FRMD3: variants seen among roughly 807,000 people sequenced by gnomAD.
The protein encoded by FRMD3 is FERM domain-containing protein 3.
Under a neutral mutation model 70.2 loss-of-function variants are expected in FRMD3, and 33 were observed. The ratio of observed to expected loss-of-function variants is 0.47; its 90% CI spans 0.36 to 0.63. The LOEUF (loss-of-function observed/expected upper bound fraction) is 0.63. Among genes scored for constraint, FRMD3 ranks in the 20% least tolerant of loss-of-function variants. FRMD3 has a pLI of 0.00. For synonymous variants in FRMD3, 279 were observed against 255.9 expected (o/e 1.09, Z -0.86); for missense variants, 632 against 711.4 (o/e 0.89, Z 1.27).
intron 1 of FRMD3, among the ~76,000 whole-genome samples, chr9:83,446,499 T>C (rs1827470024): frequency 6.6e-6 from 1 of 151,760 alleles, no homozygotes; most frequent in Admixed American, 6.6e-5. Flanking sequence ...TACAAAAAAT[T>C]AGCCGGGCGC....
the FRMD3 span, among the ~76,000 whole-genome samples, chr9:83,584,668 C>T: frequency 5.9e-5 from 9 of 152,140 alleles, no homozygotes; most frequent in Non-Finnish European, 7.3e-5. Flanking sequence ...TAAAATTGTG[C>T]CACACCTCTT....
Position 83,395,222 on chromosome 9 carries a change from T to C in FRMD3, c.148-5514A>G, listed in dbSNP as rs143103931. On this transcript the variant is annotated intron_variant, in intron 1 of 13. Transcript: ENST00000304195. ...TCAATTTTACAGATCCTTTTAGATA[T>C]AAGGAAGTTAAGTGGAATAGTATTT... Among the ~76,000 whole-genome samples the C allele has an allele frequency of 6.2e-3, 915 of 148,464 alleles. 8 individuals are homozygous for C. The highest frequency in any genetic ancestry group is 0.014 in the Middle Eastern group (4 of 284).
At chr9:83,292,143 G>C (rs569675390) in intron 12 of FRMD3, among the ~76,000 whole-genome samples, 3 of 148,508 alleles carry the variant, frequency 2.0e-5, no homozygotes, top group African/African-American at 7.4e-5. Flanking sequence ...TCTGGTCTGA[G>C]ACCTACATTA....
intron 1 of FRMD3, among the ~76,000 whole-genome samples, chr9:83,503,666 G>A (rs1008121949): frequency 5.3e-5 from 8 of 152,152 alleles, no homozygotes; most frequent in African/African-American, 1.9e-4. Context: ...CACTGAGTGC[G>A]CAGACATTTC....
At chr9:83,479,671 GGAAAGAAAGAAA>G (rs1290109477) in intron 1 of FRMD3, among the ~76,000 whole-genome samples, 607 of 29,922 alleles carry the variant, frequency 0.02, 16 homozygotes, top group Admixed American at 0.029. Context: ...AAGGAAGGAA[GGAAAGAAAGAAA>G]GAAAGAAAGA....
intron 1 of FRMD3, among the ~76,000 whole-genome samples, chr9:83,533,334 T>G (rs1829826914): frequency 6.6e-6 from 1 of 152,224 alleles, no homozygotes; most frequent in Non-Finnish European, 1.5e-5. Context: ...ATAAAATTCA[T>G]ATGAGATAAT....
chr9:83,325,506 G>C (rs1245862774), intron 6 of FRMD3, among the ~76,000 whole-genome samples: 4 of 151,480 alleles, frequency 2.6e-5, no homozygotes, highest in Non-Finnish European at 5.9e-5. Context: ...TGTATTTTTT[G>C]TAGAGACAGG....
intron 1 of FRMD3, among the ~76,000 whole-genome samples, chr9:83,506,016 T>A (rs938931246): frequency 6.6e-6 from 1 of 152,126 alleles, no homozygotes; most frequent in African/African-American, 2.4e-5. Flanking sequence ...CAACGCCCCA[T>A]GAACACCCAC....
At position 83,537,415 on chromosome 9, in the gene FRMD3, C is replaced by A. The variant is rs975759161; in HGVS notation, c.147+670G>T. 1.3e-5 allele frequency among the ~76,000 whole-genome samples: 2 copies of A among 152,248 alleles called. No individual in the cohort carries two copies. The highest frequency in any genetic ancestry group is 2.4e-5 in the African/African-American group (1 of 41,468). ...ACAATCCCTTTTCCTTTCTCCGAAA[C>A]ACTCAGACTTCACACATTCCTTTCG... On this transcript the variant is annotated intron_variant, in intron 1 of 13. Coordinates refer to ENST00000304195, the MANE Select transcript of FRMD3 (RefSeq NM_174938.6). This position sits in a 1 kb window ranked among gnomAD's most constrained non-coding sequence, Gnocchi z 4.1.
intron 1 of FRMD3, among the ~76,000 whole-genome samples, chr9:83,437,436 C>A (rs1827168299): frequency 6.6e-6 from 1 of 152,166 alleles, no homozygotes; most frequent in Admixed American, 6.5e-5. Context: ...GACTCGTGCT[C>A]ATTCTATATT....
At chr9:83,510,217 T>C (rs955261836) in intron 1 of FRMD3, among the ~76,000 whole-genome samples, 2 of 152,160 alleles carry the variant, frequency 1.3e-5, no homozygotes, top group African/African-American at 4.8e-5. Context: ...GTTCAAATGT[T>C]AACCCCTAAA....
chr9:83,416,786 T>TCTCTCTCTCTCTCTCTCC (rs1220396275), intron 1 of FRMD3, among the ~76,000 whole-genome samples: 1 of 58,286 alleles, frequency 1.7e-5, no homozygotes, highest in Non-Finnish European at 3.4e-5. Flanking sequence ...TCTCTCTCTC[T>TCTCTCTCTCTCTCTCTCC]CACTCTCTCT....
chr9:83,414,460 C>CATATA (rs2131344938), intron 1 of FRMD3, among the ~76,000 whole-genome samples: 1 of 151,814 alleles, frequency 6.6e-6, no homozygotes, highest in East Asian at 1.9e-4. Context: ...AAAGCACTAA[C>CATATA]TATATAAGAA....
chr9:83,459,043 T>C (rs913824441), intron 1 of FRMD3, among the ~76,000 whole-genome samples: 2 of 152,168 alleles, frequency 1.3e-5, no homozygotes, highest in African/African-American at 4.8e-5. Context: ...ACCCACCCAA[T>C]AGAGTAAACA....
At chr9:83,381,720 T>TA (rs1350530075) in intron 2 of FRMD3, among the ~76,000 whole-genome samples, 16 of 151,804 alleles carry the variant, frequency 1.1e-4, no homozygotes, top group African/African-American at 3.6e-4. Context: ...AGGAAGTCTT[T>TA]AAAAAAAAGC....
chr9:83,323,564 G>T (rs752542785), intron 6 of FRMD3, among the ~76,000 whole-genome samples: 1 of 152,132 alleles, frequency 6.6e-6, no homozygotes, highest in Non-Finnish European at 1.5e-5. Context: ...TTCATGTGCT[G>T]CCTTGCACCA....
At chr9:83,530,337 A>G (rs1829768608) in intron 1 of FRMD3, among the ~76,000 whole-genome samples, 3 of 152,280 alleles carry the variant, frequency 2.0e-5, no homozygotes, top group African/African-American at 7.2e-5. Context: ...CCATGCTACA[A>G]TATGGATAAA....
intron 1 of FRMD3, among the ~76,000 whole-genome samples, chr9:83,443,540 T>C (rs763346308): frequency 3.9e-5 from 6 of 152,254 alleles, no homozygotes; most frequent in East Asian, 1.9e-4. Context: ...CAGTCTGTCA[T>C]TGATGGACAT....
At chr9:83,455,443 C>G (rs1040838203) in intron 1 of FRMD3, among the ~76,000 whole-genome samples, 1 of 152,112 alleles carries the variant, frequency 6.6e-6, no homozygotes, top group Non-Finnish European at 1.5e-5. Context: ...TTAAGTCTCA[C>G]GTGCTCTGAT....
Sources: gnomAD v4.1 joint callset for allele counts (sites outside exome capture counted in the v4.1 genomes callset) on GRCh38, gnomAD v4.1.1 for gene constraint, Gnocchi (gnomAD v3.1) non-coding constraint, MANE v1.5 for transcripts, NCBI Gene and HGNC (gene_info 2026-07-23, HGNC 2026-07-21) for gene names.